Variants in KCNN2 observed in about 807,000 individuals in gnomAD.
KCNN2 encodes the protein small conductance calcium-activated potassium channel protein 2.
In KCNN2, 24 loss-of-function variants were observed where a neutral mutation model predicts 55.5. That is an observed-to-expected ratio of 0.43 (90% CI 0.31 to 0.61). KCNN2 has a LOEUF of 0.61. Among genes scored for constraint, KCNN2 ranks in the 20% least tolerant of loss-of-function variants. The probability of loss-of-function intolerance (pLI) is 0.08; values close to 1 mark genes in which losing one functional copy is unlikely to be tolerated. For missense variants in KCNN2, 754 were observed against 853.6 expected (o/e 0.88, Z 1.45); for synonymous variants, 431 against 336.1 (o/e 1.28, Z -3.09).
intron 2 of KCNN2, among the ~76,000 whole-genome samples, chr5:114,321,977 A>C (rs1479333548): frequency 2.0e-5 from 3 of 152,184 alleles, no homozygotes; most frequent in Admixed American, 2.0e-4. Flanking sequence ...AGAAGCTGTG[A>C]AGATGTATTT....
chr5:114,137,436 A>G (rs927510982), intron 1 of KCNN2, among the ~76,000 whole-genome samples: 3 of 152,188 alleles, frequency 2.0e-5, no homozygotes, highest in African/African-American at 7.2e-5. Flanking sequence ...GGGGGAGGAT[A>G]TCATAGTCAC....
chr5:114,245,012 G>C (rs1754723544), intron 2 of KCNN2, among the ~76,000 whole-genome samples: 1 of 152,170 alleles, frequency 6.6e-6, no homozygotes, highest in Admixed American at 6.5e-5. Context: ...TAAAAGCCAA[G>C]AAATAATAGT....
At chr5:114,306,351 A>G (rs572243828) in intron 2 of KCNN2, among the ~76,000 whole-genome samples, 2 of 152,334 alleles carry the variant, frequency 1.3e-5, no homozygotes, top group South Asian at 4.1e-4. Flanking sequence ...ATCATGCTGT[A>G]TCTGGTTTTG....
At chr5:114,100,644 T>G (rs1751355412) in intron 1 of KCNN2, among the ~76,000 whole-genome samples, 1 of 152,088 alleles carries the variant, frequency 6.6e-6, no homozygotes, top group Admixed American at 6.6e-5. Flanking sequence ...CAAGAGGCAA[T>G]GAGTCCCCAG....
intron 1 of KCNN2, among the ~76,000 whole-genome samples, chr5:114,059,997 C>G (rs1395356942): frequency 6.6e-6 from 1 of 152,198 alleles, no homozygotes; most frequent in Non-Finnish European, 1.5e-5. Flanking sequence ...TTGACAGTCA[C>G]CAGGTAATTA....
intron 2 of KCNN2, among the ~76,000 whole-genome samples, chr5:114,274,507 T>C (rs1409074259): frequency 1.3e-5 from 2 of 152,294 alleles, no homozygotes; most frequent in East Asian, 3.9e-4. Context: ...CCTCCTTTAT[T>C]TTGTTGGGCA....
At chr5:114,116,203 G>A (rs1751705664) in intron 1 of KCNN2, among the ~76,000 whole-genome samples, 1 of 152,092 alleles carries the variant, frequency 6.6e-6, no homozygotes, top group Non-Finnish European at 1.5e-5. Context: ...CGAGGGAGAG[G>A]TGTATCCCCA....
intron 1 of KCNN2, among the ~76,000 whole-genome samples, chr5:114,155,506 A>C (rs543230761): frequency 1.1e-3 from 166 of 152,276 alleles, no homozygotes; most frequent in African/African-American, 3.8e-3. Flanking sequence ...TCCCTTCAAC[A>C]GTGTATAAAC....
intron 3 of KCNN2, among the ~76,000 whole-genome samples, chr5:114,414,385 A>C (rs756678772): frequency 2.0e-5 from 3 of 152,186 alleles, no homozygotes; most frequent in Non-Finnish European, 2.9e-5. Flanking sequence ...CAGGTAATAA[A>C]GCACCTACTG....
intron 2 of KCNN2, among the ~76,000 whole-genome samples, chr5:114,287,087 AG>A (rs1250887756): frequency 6.6e-6 from 1 of 152,218 alleles, no homozygotes; most frequent in Non-Finnish European, 1.5e-5. Flanking sequence ...TATATGCAGA[AG>A]ACGCCCATGG....
chr5:114,239,390 C>G (rs4484416), intron 2 of KCNN2, among the ~76,000 whole-genome samples: 126,521 of 152,180 alleles, frequency 0.83, 52,654 homozygotes, highest in East Asian at 0.9. Flanking sequence ...GAAAAATTTA[C>G]AGAAATATAT....
At chr5:114,384,957 T>C (rs1758231193) in intron 2 of KCNN2, among the ~76,000 whole-genome samples, 1 of 151,226 alleles carries the variant, frequency 6.6e-6, no homozygotes, top group Non-Finnish European at 1.5e-5. Flanking sequence ...ATTAAGGAAC[T>C]GGTCTTAATT....
intron 7 of KCNN2, among the ~76,000 whole-genome samples, chr5:114,494,834 G>A (rs1420232788): frequency 6.6e-6 from 1 of 152,078 alleles, no homozygotes; most frequent in Non-Finnish European, 1.5e-5. Flanking sequence ...ACTGAAACAA[G>A]GTGCCTATAT....
At chr5:114,314,057 G>A (rs1403914171) in intron 2 of KCNN2, among the ~76,000 whole-genome samples, 1 of 151,992 alleles carries the variant, frequency 6.6e-6, no homozygotes, top group Non-Finnish European at 1.5e-5. Flanking sequence ...AAATGATTTC[G>A]TGGATCACTT....
At chr5:114,066,361 G>T (rs984311417) in intron 1 of KCNN2, among the ~76,000 whole-genome samples, 10 of 152,100 alleles carry the variant, frequency 6.6e-5, no homozygotes, top group African/African-American at 2.4e-4. Context: ...TTTTACTTTA[G>T]GCAAAACCCT....
At chr5:114,302,246 G>A (rs1439728359) in intron 2 of KCNN2, among the ~76,000 whole-genome samples, 2 of 152,144 alleles carry the variant, frequency 1.3e-5, no homozygotes. Context: ...AATAATTTAT[G>A]TTTCCACCTA....
intron 1 of KCNN2, among the ~76,000 whole-genome samples, chr5:114,189,132 T>TTGTGTG (rs1234639098): frequency 1.3e-5 from 1 of 75,188 alleles, no homozygotes; most frequent in Non-Finnish European, 2.7e-5. Context: ...ATAGAACCAA[T>TTGTGTG]AGTGTGTGTG....
chr5:114,387,574 G>A (rs964292911), intron 2 of KCNN2, among the ~76,000 whole-genome samples: 1 of 152,066 alleles, frequency 6.6e-6, no homozygotes, highest in Non-Finnish European at 1.5e-5. Context: ...TTAGACTTTG[G>A]GCTCATGTAT....
At chr5:114,108,258 C>G (rs1035808445) in intron 1 of KCNN2, among the ~76,000 whole-genome samples, 1 of 151,760 alleles carries the variant, frequency 6.6e-6, no homozygotes. Context: ...TTTATCTTCA[C>G]TTTATTAGAT....
Sources: allele counts gnomAD v4.1 joint callset (sites outside exome capture counted in the v4.1 genomes callset), GRCh38; gene constraint gnomAD v4.1.1; transcripts MANE v1.5; gene names NCBI Gene and HGNC (gene_info 2026-07-23, HGNC 2026-07-21).